CEP89: variants seen among roughly 807,000 people sequenced by gnomAD.
CEP89 encodes centrosomal protein of 89 kDa.
Under a neutral mutation model 97.6 loss-of-function variants are expected in CEP89, and 95 were observed. The observed-to-expected ratio is 0.97, with a 90% CI of 0.82 to 1.15. The LOEUF (loss-of-function observed/expected upper bound fraction) is 1.15. CEP89 is among the 50% of genes most tolerant of loss of function. CEP89 has a pLI of 0.00. For missense variants in CEP89, 869 were observed against 947.7 expected (o/e 0.92, Z 1.09); for synonymous variants, 354 against 349.1 (o/e 1.01, Z -0.16).
chr19:32,947,133 T>C (rs9676565), intron 5 of CEP89, among the ~76,000 whole-genome samples: 54,016 of 152,078 alleles, frequency 0.36, 9,815 homozygotes, highest in Admixed American at 0.48. Context: ...GGGCTGCTGA[T>C]AAAGTAGTTA....
chr19:32,953,415 T>C (rs1235302453), intron 4 of CEP89, among the ~76,000 whole-genome samples, 200 bp downstream of exon 4: 1 of 152,030 alleles, frequency 6.6e-6, no homozygotes, highest in Non-Finnish European at 1.5e-5. Context: ...TTAATCTTTG[T>C]TTTTGCAAGA....
chr19:32,892,175 CATATATATTTAGA>C (rs2075768199), intron 16 of CEP89, among the ~76,000 whole-genome samples: 1 of 125,424 alleles, frequency 8.0e-6, no homozygotes, highest in East Asian at 2.5e-4. Flanking sequence ...TATATTTAGA[CATATATATTTAGA>C]ATATATATTT....
chr19:32,938,907 G>A (rs948579008), intron 6 of CEP89, among the ~76,000 whole-genome samples: 3 of 152,014 alleles, frequency 2.0e-5, no homozygotes, highest in African/African-American at 4.8e-5. Context: ...CCGAGACTGC[G>A]CCACTGCACT....
chr19:32,882,151 G>T, intron 17 of CEP89, 138 bp from the exon 18 acceptor site: 1 of 689,306 alleles, frequency 1.5e-6, no homozygotes, highest in South Asian at 2.1e-5. Context: ...TTTGGTCTGG[G>T]ATTGCAAGTC....
chr19:32,899,900 A>G lies in CEP89; in HGVS notation c.1832T>C (p.Leu611Pro), dbSNP rs968297494. 1.2e-6 allele frequency: 2 copies of G among 1,613,990 alleles called. No homozygotes were observed. Among genetic ancestry groups the G allele is most frequent in the Non-Finnish European group, 1.7e-6 (2 of 1,179,856 alleles). Residue 611 changes from leucine to proline, a missense_variant, in exon 16 of 19, where the codon CTG (leucine) becomes CCG (proline). Transcript: ENST00000305768. The stretch of plus-strand genomic sequence containing the variant: ...ACGTTCCTGGGTTATGTTTTCTGCC[A>G]GGCCAACAAGGTTTGCCAGGTACTG... ...AHQYLANLVG[L>P]AENITQERDS...
chr19:32,951,626 A>C (rs1970921352), intron 4 of CEP89, among the ~76,000 whole-genome samples: 1 of 151,772 alleles, frequency 6.6e-6, no homozygotes, highest in Non-Finnish European at 1.5e-5. Context: ...ACAAACTTCC[A>C]GGATGCACTC....
At chr19:32,941,230 C>T (rs529614395) in intron 5 of CEP89, among the ~76,000 whole-genome samples, 6 of 151,826 alleles carry the variant, frequency 4.0e-5, no homozygotes, top group South Asian at 4.2e-4. Flanking sequence ...TGGTTGGGCA[C>T]GGTGGCTCAT....
At chr19:32,945,352 G>C (rs1008705739) in intron 5 of CEP89, among the ~76,000 whole-genome samples, 1 of 151,784 alleles carries the variant, frequency 6.6e-6, no homozygotes, top group African/African-American at 2.4e-5. Flanking sequence ...TACAGTTTGG[G>C]GTCTGGGGTT....
In CEP89 at chr19:32,960,032, G is replaced by T. The variant is rs187160603; in HGVS notation, c.173C>A (p.Ala58Glu). The T allele has an allele frequency of 6.2e-7, 1 of 1,614,196 alleles. No homozygotes were observed. The highest frequency in any genetic ancestry group is 1.3e-5 in the African/African-American group (1 of 75,054). The change falls in exon 3 of 19, where the codon GCG becomes GAG. Residue 58 changes from alanine (A) to glutamate (E), a missense_variant. Ala to Glu is a moderately radical substitution (Grantham distance 107). Coordinates refer to ENST00000305768, the MANE Select transcript of CEP89 (RefSeq NM_032816.5). ...PRSALAAAIL[A>E]TTLTGRTVAI... ...AACCGTCCGCCCAGTCAATGTTGTC[G>T]CCAGAATGGCTGCTGCCAGAGCAGA...
intron 17 of CEP89, among the ~76,000 whole-genome samples, chr19:32,886,699 G>A (rs1369301427): frequency 6.6e-6 from 1 of 151,968 alleles, no homozygotes; most frequent in Non-Finnish European, 1.5e-5. Flanking sequence ...ACTACTCCGA[G>A]GATCACTCCT....
intron 3 of CEP89, among the ~76,000 whole-genome samples, chr19:32,955,571 T>C (rs549154717): frequency 6.6e-6 from 1 of 152,234 alleles, no homozygotes; most frequent in South Asian, 2.1e-4. Flanking sequence ...TGGAGTGTGG[T>C]GGCGCGATCT....
chr19:32,924,292 C>T (rs1226273037), intron 11 of CEP89, among the ~76,000 whole-genome samples: 1 of 152,138 alleles, frequency 6.6e-6, no homozygotes, highest in Non-Finnish European at 1.5e-5. Flanking sequence ...CACATCCAGC[C>T]AAGGCTCTTA....
intron 6 of CEP89, 40 bp downstream of exon 6, chr19:32,939,817 A>G (rs1212051330): frequency 1.8e-5 from 17 of 930,164 alleles, no homozygotes; most frequent in Non-Finnish European, 2.5e-5. Context: ...TAAAAACTCT[A>G]TTTATTGAGA....
In CEP89 at chr19:32,951,576, TAC is replaced by T. The variant is rs1367487692; in HGVS notation, c.492+2037_492+2038del. ...ACACACACACACACACGCACACTAC[TAC>T]AGTTGTTTACTTAAACTTGTAGTAA... On this transcript the variant is annotated intron_variant, in intron 4 of 18. Coordinates refer to ENST00000305768, the MANE Select transcript of CEP89 (RefSeq NM_032816.5). Among the ~76,000 whole-genome samples, 21 of 136,248 alleles carry T rather than the reference TAC, an allele frequency of 1.5e-4. 1 individual carries two copies. Among genetic ancestry groups the T allele is most frequent in the Admixed American group, 1.5e-3 (21 of 14,136 alleles). 89.4% of individuals were successfully genotyped at this position (136,248 alleles called of 152,430 possible).
At chr19:32,961,386 T>TG (rs1419358127) in intron 2 of CEP89, among the ~76,000 whole-genome samples, 1 of 146,804 alleles carries the variant, frequency 6.8e-6, no homozygotes, top group Non-Finnish European at 1.5e-5. Context: ...CTGGCCAACA[T>TG]GGTGAAACCC....
Position 32,898,842 on chromosome 19 carries a change from A to G in CEP89, c.1875+1015T>C, listed in dbSNP as rs1017562922. The stretch of plus-strand genomic sequence containing the variant: ...GGTTGCAGTGAGCCGAGATCACGCC[A>G]CTGCACTCCAGCCTGGGTGACAGCG... On this transcript the variant is annotated intron_variant, in intron 16 of 18. Coordinates refer to ENST00000305768, the MANE Select transcript of CEP89 (RefSeq NM_032816.5). Among the ~76,000 whole-genome samples, 3 of 147,556 alleles carry G rather than the reference A, an allele frequency of 2.0e-5. No individual in the cohort carries two copies. In the Admixed American group the frequency reaches 2.1e-4, roughly 10 times the overall value.
At chr19:32,885,495 AT>A (rs60135531) in intron 17 of CEP89, among the ~76,000 whole-genome samples, 1 of 152,048 alleles carries the variant, frequency 6.6e-6, no homozygotes, top group Middle Eastern at 3.4e-3. Flanking sequence ...TAATTGCTGT[AT>A]TTTTTGTAGA....
intron 5 of CEP89, among the ~76,000 whole-genome samples, chr19:32,947,974 T>C (rs1970830939): frequency 1.3e-5 from 2 of 152,208 alleles, no homozygotes; most frequent in Non-Finnish European, 2.9e-5. Flanking sequence ...CTGATGTTTT[T>C]ATTTTTACTT....
At chr19:32,950,130 T>C (rs962360069) in intron 4 of CEP89, among the ~76,000 whole-genome samples, 1 of 152,060 alleles carries the variant, frequency 6.6e-6, no homozygotes, top group Non-Finnish European at 1.5e-5. Flanking sequence ...GGTGGGATTA[T>C]AGGTGTGAGC....
Sources: gnomAD v4.1 joint callset for allele counts (sites outside exome capture counted in the v4.1 genomes callset) on GRCh38, gnomAD v4.1.1 for gene constraint, MANE v1.5 for transcripts, NCBI Gene and HGNC (gene_info 2026-07-23, HGNC 2026-07-21) for gene names.